The following AGAP1 variants were observed in gnomAD, a reference collection of about 807,000 sequenced individuals.
The protein encoded by AGAP1 is ArfGAP with GTPase domain, ankyrin repeat and PH domain 1.
AGAP1 carries 29 observed loss-of-function variants against 105.3 expected under a neutral mutation model. That is an observed-to-expected ratio of 0.28 (90% CI 0.21 to 0.38). AGAP1 has a LOEUF of 0.38. AGAP1 is among the 10% of genes least tolerant of loss of function. AGAP1 has a pLI of 1.00. For missense variants in AGAP1, 998 were observed against 1,165.1 expected (o/e 0.86, Z 2.09); for synonymous variants, 509 against 485.9 (o/e 1.05, Z -0.63).
chr2:235,818,270 A>G lies in AGAP1; in HGVS notation c.1050+10939A>G, dbSNP rs112227039. On this transcript the variant is annotated intron_variant, in intron 9 of 17. Transcript: ENST00000304032. Reference sequence around the variant, plus strand: ...CAACTTGCTACTCTGTTCTAGACGAAGAGTTTGAGGTTCAGGGATGTTAAG... The same window carrying G: ...CAACTTGCTACTCTGTTCTAGACGAGGAGTTTGAGGTTCAGGGATGTTAAG... Among the ~76,000 whole-genome samples, 294 of 152,334 alleles carry G rather than the reference A, an allele frequency of 1.9e-3. 1 individual carries two copies. The highest frequency in any genetic ancestry group is 0.014 in the Middle Eastern group (4 of 294).
rs1575276496 is a variant in AGAP1, at chr2:235,737,631, A to T, written c.311-3332A>T. Among the ~76,000 whole-genome samples, 1 of 152,320 alleles carries T rather than the reference A, an allele frequency of 6.6e-6. No homozygotes were observed. Among genetic ancestry groups the T allele is most frequent in the East Asian group, 1.9e-4 (1 of 5,176 alleles). ...CATGTTAGAGGAAGCAAAGGAGAGG[A>T]TGGACGTGAAATCCGTCCTATGCAT... is the stretch of plus-strand genomic sequence containing the variant. On this transcript the variant is annotated intron_variant, in intron 3 of 17. Transcript: ENST00000304032. The surrounding 1 kb of genome is among the most constrained non-coding windows in gnomAD (Gnocchi z 4.5).
At chr2:235,847,802 C>T (rs1390560377) in intron 9 of AGAP1, among the ~76,000 whole-genome samples, 2 of 152,164 alleles carry the variant, frequency 1.3e-5, no homozygotes, top group East Asian at 3.9e-4. Context: ...CCTGGGGCTC[C>T]GTTTTCCGTT....
intron 16 of AGAP1, among the ~76,000 whole-genome samples, chr2:236,077,529 GGCTT>G (rs575507910): frequency 1.3e-5 from 2 of 151,960 alleles, no homozygotes; most frequent in Non-Finnish European, 2.9e-5. Context: ...ATATTGGTCA[GGCTT>G]GTCTCAAATT....
In AGAP1 at chr2:235,867,588, G is replaced by A. The variant is rs1195802051; in HGVS notation, c.1051-15757G>A. Among the ~76,000 whole-genome samples the A allele has an allele frequency of 8.1e-6, 1 of 122,866 alleles. No individual in the cohort carries two copies. Among genetic ancestry groups the A allele is most frequent in the African/African-American group, 3.0e-5 (1 of 33,528 alleles). 80.6% of individuals were successfully genotyped at this position (122,866 alleles called of 152,430 possible). ...GTGTGTGTGTGTGCAAGTGAGGGAG[G>A]GTGACCCCCACACCAAGCACACAGG... is the stretch of plus-strand genomic sequence containing the variant. On this transcript the variant is annotated intron_variant, in intron 9 of 17. Transcript: ENST00000304032. This position sits in a 1 kb window ranked among gnomAD's most constrained non-coding sequence, Gnocchi z 5.4.
intron 1 of AGAP1, among the ~76,000 whole-genome samples, chr2:235,545,393 A>G (rs1038967581): frequency 6.6e-6 from 1 of 152,220 alleles, no homozygotes; most frequent in African/African-American, 2.4e-5. Flanking sequence ...TCCTAGTCAC[A>G]GTTCTGCAGG....
intron 10 of AGAP1, among the ~76,000 whole-genome samples, chr2:235,902,364 A>G (rs914471277): frequency 6.6e-6 from 1 of 152,116 alleles, no homozygotes; most frequent in African/African-American, 2.4e-5. Context: ...CTCCTCTACT[A>G]CCTTAAAATC....
chr2:235,830,571 ACT>A lies in AGAP1; in HGVS notation c.1050+23243_1050+23244del, dbSNP rs1959228931. On this transcript the variant is annotated intron_variant, in intron 9 of 17. Transcript: ENST00000304032. The surrounding 1 kb of genome is among the most constrained non-coding windows in gnomAD (Gnocchi z 5.5). The stretch of plus-strand genomic sequence containing the variant: ...AGTTCAGAAGTGTTGCATGCTGAGC[ACT>A]CTTTGTGAGATACTTTGGGGGCTCA... Among the ~76,000 whole-genome samples, 1 of 140,060 alleles carries A rather than the reference ACT, an allele frequency of 7.1e-6. No homozygotes were observed. Among genetic ancestry groups the A allele is most frequent in the Admixed American group, 7.8e-5 (1 of 12,782 alleles). The allele number at this position is 140,060 out of a possible 152,430, so 91.9% of individuals were successfully genotyped here. A position where few individuals can be genotyped will look rare whatever the true frequency, so the allele number is the denominator to read the frequency against.
Position 236,000,459 on chromosome 2 carries a change from G to A in AGAP1, c.1645+31836G>A, listed in dbSNP as rs1036521260. On this transcript the variant is annotated intron_variant, in intron 13 of 17. Coordinates refer to ENST00000304032, the MANE Select transcript of AGAP1 (RefSeq NM_001037131.3). This position sits in a 1 kb window ranked among gnomAD's most constrained non-coding sequence, Gnocchi z 4.3. ...AATAATAAACAGTTGTTCAGAGACA[G>A]TGGTACTGCGTCCCCCTCCTCCAGT... 6.6e-6 allele frequency among the ~76,000 whole-genome samples: 1 copy of A among 152,198 alleles called. No homozygotes were observed. The highest frequency in any genetic ancestry group is 1.5e-5 in the Non-Finnish European group (1 of 68,044).
In AGAP1 at chr2:235,596,485, A is replaced by G. The variant is rs1268293954; in HGVS notation, c.163+101636A>G. Among the ~76,000 whole-genome samples the G allele has an allele frequency of 6.6e-6, 1 of 152,146 alleles. No individual in the cohort carries two copies. Among genetic ancestry groups the G allele is most frequent in the African/African-American group, 2.4e-5 (1 of 41,448 alleles). ...ATTTGGATTCAGCAAGGCAAGGTGGACCTGAGAGTCTGTGTTTCTGGTGAG... is the reference window on the plus strand; with the variant it reads ...ATTTGGATTCAGCAAGGCAAGGTGGGCCTGAGAGTCTGTGTTTCTGGTGAG... On this transcript the variant is annotated intron_variant, in intron 1 of 17. Coordinates refer to ENST00000304032, the MANE Select transcript of AGAP1 (RefSeq NM_001037131.3). This position sits in a 1 kb window ranked among gnomAD's most constrained non-coding sequence, Gnocchi z 5.9.
At chr2:235,598,036 G>A (rs1945595450) in intron 1 of AGAP1, among the ~76,000 whole-genome samples, 2 of 116,996 alleles carry the variant, frequency 1.7e-5, no homozygotes, top group South Asian at 2.7e-4. Context: ...TGTGTGGAGC[G>A]TGCACGCGCT....
intron 1 of AGAP1, among the ~76,000 whole-genome samples, chr2:235,510,695 C>T (rs1942033582): frequency 6.6e-6 from 1 of 152,166 alleles, no homozygotes; most frequent in Non-Finnish European, 1.5e-5. Context: ...TTAAGTTCAG[C>T]AGGCTTCTGG....
rs2052871296 is a variant in AGAP1 at position 235,934,197 on chromosome 2, A to G, written c.1483+3274A>G. Among the ~76,000 whole-genome samples, 3 of 152,122 alleles carry G rather than the reference A, an allele frequency of 2.0e-5. No homozygotes were observed. The highest frequency in any genetic ancestry group is 7.2e-5 in the African/African-American group (3 of 41,404). ...TCCCACTGAATCCAGTCCTCAGGGG[A>G]TGGGACCAGGCAACCTGTGTATAGC... On this transcript the variant is annotated intron_variant, in intron 12 of 17. Transcript: ENST00000304032. The surrounding 1 kb of genome is among the most constrained non-coding windows in gnomAD (Gnocchi z 4.9).
At chr2:235,771,205 T>A (rs1955417188) in intron 6 of AGAP1, among the ~76,000 whole-genome samples, 1 of 152,232 alleles carries the variant, frequency 6.6e-6, no homozygotes, top group Non-Finnish European at 1.5e-5. Flanking sequence ...ATTAAGTTTC[T>A]GTTGGGCCAC....
chr2:236,079,017 T>A (rs1576250728), intron 16 of AGAP1, among the ~76,000 whole-genome samples: 1 of 152,158 alleles, frequency 6.6e-6, no homozygotes, highest in South Asian at 2.1e-4. Context: ...ATGCCGGGGC[T>A]GGGGTGTAGG....
intron 17 of AGAP1, among the ~76,000 whole-genome samples, chr2:236,122,560 C>T (rs79906372): frequency 0.042 from 6,462 of 152,162 alleles, 467 homozygotes; most frequent in African/African-American, 0.15. Context: ...AGCTTAAAAA[C>T]GTTGTGTACT....
Position 235,951,016 on chromosome 2 carries a change from C to T in AGAP1, c.1484-17446C>T, listed in dbSNP as rs1429283859. ...AGTTCTTTTTTACAAAAAGAATATT[C>T]TAATAGTATCTAATAGTAATGGTGA... On this transcript the variant is annotated intron_variant, in intron 12 of 17. Transcript: ENST00000304032. The surrounding 1 kb of genome is among the most constrained non-coding windows in gnomAD (Gnocchi z 4.2). 6.7e-6 allele frequency among the ~76,000 whole-genome samples: 1 copy of T among 148,814 alleles called. No individual in the cohort carries two copies. Among genetic ancestry groups the T allele is most frequent in the African/African-American group, 2.5e-5 (1 of 40,726 alleles).
chr2:235,978,197 T>C (rs2054938925), intron 13 of AGAP1, among the ~76,000 whole-genome samples: 1 of 152,190 alleles, frequency 6.6e-6, no homozygotes, highest in Non-Finnish European at 1.5e-5. Flanking sequence ...AGCTACAACA[T>C]GTGAATTTTG....
chr2:235,767,248 T>C (rs1273823906), intron 6 of AGAP1, among the ~76,000 whole-genome samples: 1 of 148,526 alleles, frequency 6.7e-6, no homozygotes, highest in Non-Finnish European at 1.5e-5. Context: ...ATGGACTTAT[T>C]ATTTAGCCCA....
rs1291379848 is a variant in AGAP1 at position 236,130,475 on chromosome 2, T to C, written c.*6353T>C. On this transcript the variant is annotated 3_prime_UTR_variant, in exon 18 of 18. Coordinates refer to ENST00000304032, the MANE Select transcript of AGAP1 (RefSeq NM_001037131.3). The surrounding 1 kb of genome is among the most constrained non-coding windows in gnomAD (Gnocchi z 5.8). The stretch of plus-strand genomic sequence containing the variant: ...GCAAACCCCCTTAACACACCAGCTG[T>C]TGGGAACAGCTGCCCCTAAATCCAA... 1 of 152,134 alleles carries C rather than the reference T, an allele frequency of 6.6e-6. No individual in the cohort carries two copies. The highest frequency in any genetic ancestry group is 2.4e-5 in the African/African-American group (1 of 41,386). The allele number at this position is 152,134 out of a possible 1,614,324, so 9.4% of individuals were successfully genotyped here.
Sources: gnomAD v4.1 joint callset for allele counts (sites outside exome capture counted in the v4.1 genomes callset) on GRCh38, gnomAD v4.1.1 for gene constraint, Gnocchi (gnomAD v3.1) non-coding constraint, MANE v1.5 for transcripts, NCBI Gene and HGNC (gene_info 2026-07-23, HGNC 2026-07-21) for gene names.